Variants in CHAF1A observed in about 807,000 individuals in gnomAD.
CHAF1A encodes the protein CAF-1 subunit A.
CHAF1A carries 5 observed loss-of-function variants against 93.2 expected under a neutral mutation model. That is an observed-to-expected ratio of 0.05 (90% CI 0.03 to 0.11). The LOEUF is 0.11. CHAF1A is among the 10% of genes least tolerant of loss of function. The pLI is 1.00. For missense variants in CHAF1A, 1,102 were observed against 1,259.9 expected, an observed-to-expected ratio of 0.87 and a Z score of 1.90; for synonymous variants, 504 against 510.3, an observed-to-expected ratio of 0.99 and a Z score of 0.17.
rs2284319 is a variant in CHAF1A, at chr19:4,430,472, C to A, written c.1855-77C>A. ...GGATTAGAGGTGTGAGCCACTGCGC[C>A]TGGCCTACTTTGTTTTTAATAAGGC... On this transcript the variant is annotated intron_variant, in intron 10 of 14. Transcript: ENST00000301280. The A allele has an allele frequency of 1.1e-5, 11 of 977,338 alleles. No individual in the cohort carries two copies. In the African/African-American group the frequency reaches 1.4e-4, roughly 13 times the overall value. The allele number at this position is 977,338 out of a possible 1,614,324, so 60.5% of individuals were successfully genotyped here.
At chr19:4,415,276 C>G (rs1045566054) in intron 3 of CHAF1A, among the ~76,000 whole-genome samples, 1 of 152,136 alleles carries the variant, frequency 6.6e-6, no homozygotes, top group East Asian at 1.9e-4. Flanking sequence ...AAAAAAGATA[C>G]CAGTTTTAAA....
chr19:4,413,408 C>T (rs10413546), intron 3 of CHAF1A, among the ~76,000 whole-genome samples: 11 of 152,124 alleles, frequency 7.2e-5, no homozygotes, highest in Admixed American at 7.2e-4. Flanking sequence ...CTTGCCGTGA[C>T]GTCCAAGCCA....
chr19:4,448,864 G>C, downstream of CHAF1A: 1 of 177,384 alleles, frequency 5.6e-6, no homozygotes. Context: ...TGTTTACAAA[G>C]AGACCGAGAG....
At chr19:4,419,841 C>G (rs967312671) in intron 4 of CHAF1A, among the ~76,000 whole-genome samples, 10 of 152,208 alleles carry the variant, frequency 6.6e-5, no homozygotes, top group African/African-American at 2.2e-4. Flanking sequence ...AAGTATCCAA[C>G]GGCGGCTGAA....
chr19:4,445,473 G>C (rs370440061), downstream of CHAF1A: 4 of 1,613,416 alleles, frequency 2.5e-6, no homozygotes, highest in Non-Finnish European at 3.4e-6. Flanking sequence ...AGACCCACAG[G>C]GCTGAGGCCA....
At chr19:4,431,278 G>A (rs1191500318) in intron 11 of CHAF1A, among the ~76,000 whole-genome samples, 1 of 151,980 alleles carries the variant, frequency 6.6e-6, no homozygotes, top group Non-Finnish European at 1.5e-5. Flanking sequence ...ACAGGCGTGT[G>A]CCACCACACC....
intron 2 of CHAF1A, among the ~76,000 whole-genome samples, chr19:4,406,469 C>A (rs1157249336): frequency 1.5e-5 from 2 of 135,320 alleles, no homozygotes; most frequent in South Asian, 2.3e-4. Flanking sequence ...GAGTCTCATT[C>A]TGTTGCCCAG....
At chr19:4,446,100 T>G (rs767897891), downstream of CHAF1A, 29 of 1,612,548 alleles carry the variant, frequency 1.8e-5, no homozygotes, top group Non-Finnish European at 1.9e-5. Flanking sequence ...GCTTCTGCCC[T>G]CCCGAGGCCA....
intron 13 of CHAF1A, among the ~76,000 whole-genome samples, chr19:4,440,061 C>T (rs958601864): frequency 1.3e-5 from 2 of 152,236 alleles, no homozygotes; most frequent in African/African-American, 2.4e-5. Flanking sequence ...TGTGCTCTTA[C>T]ATGACAGCCC....
Position 4,443,241 on chromosome 19 carries a change from T to C in CHAF1A, c.*216T>C. ...AATCTGCCCTTTAATAAAGCATTAT[T>C]GAGATTGCTGGCCTATTGGGGAAGC... On this transcript the variant is annotated 3_prime_UTR_variant, in exon 15 of 15. Transcript: ENST00000301280. 1.8e-6 allele frequency: 1 copy of C among 545,866 alleles called. No individual in the cohort carries two copies. The allele number at this position is 545,866 out of a possible 1,614,324, so 33.8% of individuals were successfully genotyped here.
downstream of CHAF1A, chr19:4,446,418 A>G (rs1389171929): frequency 3.2e-6 from 5 of 1,577,608 alleles, no homozygotes; most frequent in Non-Finnish European, 4.3e-6. Flanking sequence ...TCGGACCTGC[A>G]CACGCGGGCC....
chr19:4,412,031 C>G (rs1973814971), intron 3 of CHAF1A, among the ~76,000 whole-genome samples: 1 of 152,140 alleles, frequency 6.6e-6, no homozygotes, highest in Non-Finnish European at 1.5e-5. Context: ...TTTTATCACT[C>G]AGGTACTAAG....
Position 4,437,103 on chromosome 19 carries a change from T to C in CHAF1A, c.2673+3564T>C, listed in dbSNP as rs576615071. Among the ~76,000 whole-genome samples the C allele has an allele frequency of 8.1e-4, 123 of 152,202 alleles. 2 individuals carry two copies. The highest frequency in any genetic ancestry group is 2.2e-3 in the African/African-American group (92 of 41,522). ...GGTGGCCTCTGCTGCGTGGCACAGG[T>C]GAGGGCCTCCTGGGGCTCAGCAGTG... On this transcript the variant is annotated intron_variant, in intron 13 of 14. Coordinates refer to ENST00000301280, the MANE Select transcript of CHAF1A (RefSeq NM_005483.3).
intron 2 of CHAF1A, 111 bp downstream of exon 2, chr19:4,406,073 C>A: frequency 1.2e-6 from 1 of 864,692 alleles, no homozygotes; most frequent in Non-Finnish European, 1.9e-6. Flanking sequence ...AACAGTCCTT[C>A]TTCAGACCAG....
At chr19:4,449,922 G>A (rs1434545639), downstream of CHAF1A, 2 of 152,186 alleles carry the variant, frequency 1.3e-5, no homozygotes, top group Non-Finnish European at 2.9e-5. Flanking sequence ...AAGCAGTCAA[G>A]GAGAAGCCAG....
intron 4 of CHAF1A, among the ~76,000 whole-genome samples, chr19:4,421,919 T>A (rs985178076): frequency 2.0e-5 from 3 of 152,114 alleles, no homozygotes; most frequent in African/African-American, 7.2e-5. Flanking sequence ...CTCAGCTCAC[T>A]GCACCCTACG....
chr19:4,426,202 C>T (rs1974078338), intron 7 of CHAF1A, among the ~76,000 whole-genome samples: 1 of 127,884 alleles, frequency 7.8e-6, no homozygotes, highest in Non-Finnish European at 1.6e-5. Context: ...CAGTTTCACT[C>T]TGTTGCTGAG....
chr19:4,413,360 G>T (rs558204222), intron 3 of CHAF1A, among the ~76,000 whole-genome samples: 1 of 152,246 alleles, frequency 6.6e-6, no homozygotes, highest in East Asian at 1.9e-4. Flanking sequence ...GTGAGCCACC[G>T]CGCCTGGCCA....
At chr19:4,448,311 C>T (rs755604057), downstream of CHAF1A, 37 of 1,599,030 alleles carry the variant, frequency 2.3e-5, no homozygotes, top group East Asian at 1.1e-4. Flanking sequence ...AGGGGCCACA[C>T]GCTCACTTGG....
Sources: gnomAD v4.1 joint callset for allele counts (sites outside exome capture counted in the v4.1 genomes callset) on GRCh38, gnomAD v4.1.1 for gene constraint, MANE v1.5 for transcripts, NCBI Gene and HGNC (gene_info 2026-07-23, HGNC 2026-07-21) for gene names.